The following SLC16A7 variants were observed in gnomAD, a reference collection of about 807,000 sequenced individuals.
SLC16A7 encodes monocarboxylate transporter 2.
In SLC16A7, 33 loss-of-function variants were observed where a neutral mutation model predicts 34.9. The observed-to-expected ratio is 0.94, with a 90% CI of 0.72 to 1.26. SLC16A7 has a LOEUF of 1.26. SLC16A7 is among the 50% of genes most tolerant of loss of function. The pLI is 0.00. For missense variants in SLC16A7, 573 were observed against 578.1 expected (o/e 0.99, Z 0.09); for synonymous variants, 201 against 206.6 (o/e 0.97, Z 0.23).
chr12:59,768,211 C>A, intron 3 of SLC16A7: 1 of 455,586 alleles, frequency 2.2e-6, no homozygotes, highest in Middle Eastern at 3.3e-4. Context: ...TAGATAACAT[C>A]ACGATCATTC....
At chr12:59,646,255 G>T (rs1046618062) in intron 1 of SLC16A7, among the ~76,000 whole-genome samples, 1 of 152,148 alleles carries the variant, frequency 6.6e-6, no homozygotes. Context: ...AGGCCTAGGA[G>T]GGAAAAATCA....
At chr12:59,748,723 G>A (rs934367627) in intron 3 of SLC16A7, among the ~76,000 whole-genome samples, 11 of 152,168 alleles carry the variant, frequency 7.2e-5, no homozygotes, top group African/African-American at 2.7e-4. Flanking sequence ...CTGCCAACAG[G>A]TGTGAAAACC....
At chr12:59,712,178 AGTT>A (rs1874298284) in intron 3 of SLC16A7, among the ~76,000 whole-genome samples, 2 of 152,056 alleles carry the variant, frequency 1.3e-5, no homozygotes, top group Non-Finnish European at 2.9e-5. Context: ...GATTCACTGC[AGTT>A]GTTGCTGCTG....
At chr12:59,692,800 T>C (rs1334623064) in intron 2 of SLC16A7, among the ~76,000 whole-genome samples, 1 of 152,010 alleles carries the variant, frequency 6.6e-6, no homozygotes, top group Non-Finnish European at 1.5e-5. Context: ...CTCTCTTGTC[T>C]AGATGTCAAA....
rs148116988 is a variant in SLC16A7, at chr12:59,761,223, A to G, written c.218-9996A>G. 5,015 of 1,003,726 alleles carry G rather than the reference A, an allele frequency of 5.0e-3. 29 individuals carry two copies. The highest frequency in any genetic ancestry group is 5.7e-3 in the Non-Finnish European group (4,167 of 734,164). The allele number at this position is 1,003,726 out of a possible 1,614,324, so 62.2% of individuals were successfully genotyped here. ...CCTAGGTACATGAAACTGTATTGTT[A>G]AATACTTGGTTGATAAGATTTAGAT... On this transcript the variant is annotated intron_variant, in intron 3 of 5. Transcript: ENST00000547379.
At chr12:59,628,753 A>G (rs1269620195) in intron 1 of SLC16A7, among the ~76,000 whole-genome samples, 1 of 150,540 alleles carries the variant, frequency 6.6e-6, no homozygotes, top group East Asian at 1.9e-4. Flanking sequence ...CTGACTAAAT[A>G]AGTGAATCAA....
rs930129677 is a variant in SLC16A7 at position 59,735,915 on chromosome 12, C to T, written c.217+30897C>T. On this transcript the variant is annotated intron_variant, in intron 3 of 5. Transcript: ENST00000547379. ...ATGGCCCCTAACAGATATAAATTCT[C>T]TATGACTTTGATAGGAAAAAAGGAG... 4 of 1,241,278 alleles carry T rather than the reference C, an allele frequency of 3.2e-6. No homozygotes were observed. The East Asian group carries it at 1.8e-4, about 55-fold the overall frequency. The allele number at this position is 1,241,278 out of a possible 1,614,324, so 76.9% of individuals were successfully genotyped here. A position where few individuals can be genotyped will look rare whatever the true frequency, so the allele number is the denominator to read the frequency against.
intron 2 of SLC16A7, among the ~76,000 whole-genome samples, chr12:59,666,801 C>A (rs779096805): frequency 6.6e-6 from 1 of 152,094 alleles, no homozygotes; most frequent in African/African-American, 2.4e-5. Flanking sequence ...TAAGAACAGA[C>A]TAATATAGCA....
intron 3 of SLC16A7, among the ~76,000 whole-genome samples, chr12:59,712,109 G>A (rs1364047523): frequency 2.6e-5 from 4 of 152,124 alleles, no homozygotes; most frequent in East Asian, 3.9e-4. Context: ...ACACTCTCCT[G>A]CTCAGAGTCA....
intron 3 of SLC16A7, among the ~76,000 whole-genome samples, chr12:59,756,013 T>G (rs1346229119): frequency 6.6e-6 from 1 of 152,194 alleles, no homozygotes; most frequent in Non-Finnish European, 1.5e-5. Flanking sequence ...GGGAAAGGAT[T>G]CCCTATTTAA....
Position 59,612,068 on chromosome 12 carries a change from C to T in SLC16A7, c.-130+15832C>T, listed in dbSNP as rs564172917. ...GCCTTCTCCTCACAGTTCCACCAGG[C>T]GGTGCCCCGATGGAGACTCTGTGTG... On this transcript the variant is annotated intron_variant, in intron 1 of 5. Coordinates refer to ENST00000547379, the MANE Select transcript of SLC16A7 (RefSeq NM_001270623.2). Among the ~76,000 whole-genome samples, 76 of 152,320 alleles carry T rather than the reference C, an allele frequency of 5.0e-4. No homozygotes were observed. The South Asian group carries it at 0.012, about 24-fold the overall frequency.
intron 3 of SLC16A7, among the ~76,000 whole-genome samples, chr12:59,737,507 A>G (rs929553864): frequency 3.3e-5 from 5 of 152,192 alleles, no homozygotes; most frequent in African/African-American, 1.2e-4. Context: ...ATGTCCTCTT[A>G]GGCATTTGAT....
intron 3 of SLC16A7, among the ~76,000 whole-genome samples, chr12:59,708,673 C>G (rs548120149): frequency 2.0e-5 from 3 of 152,038 alleles, no homozygotes; most frequent in Non-Finnish European, 4.4e-5. Flanking sequence ...CTATTAATCA[C>G]TACTGTGGGG....
At chr12:59,676,704 C>CA (rs1219932388) in intron 2 of SLC16A7, among the ~76,000 whole-genome samples, 2 of 151,640 alleles carry the variant, frequency 1.3e-5, no homozygotes, top group Non-Finnish European at 2.9e-5. Context: ...AAACAAAATG[C>CA]AAAAAATGGA....
At chr12:59,654,908 G>A (rs1868459403) in intron 1 of SLC16A7, among the ~76,000 whole-genome samples, 1 of 151,832 alleles carries the variant, frequency 6.6e-6, no homozygotes. Context: ...AGGCAGGCAG[G>A]TGCCATAATT....
chr12:59,705,428 A>G (rs1873451697), intron 3 of SLC16A7, among the ~76,000 whole-genome samples: 1 of 152,180 alleles, frequency 6.6e-6, no homozygotes, highest in African/African-American at 2.4e-5. Context: ...ATAAGCCCAG[A>G]AAGTACATCA....
chr12:59,732,851 T>G (rs930882888), intron 3 of SLC16A7, among the ~76,000 whole-genome samples: 1 of 152,112 alleles, frequency 6.6e-6, no homozygotes, highest in African/African-American at 2.4e-5. Context: ...AAAGAGAAGG[T>G]GTTATATGAA....
chr12:59,689,026 G>GT (rs1373981741), intron 2 of SLC16A7, among the ~76,000 whole-genome samples: 2 of 151,684 alleles, frequency 1.3e-5, no homozygotes, highest in Non-Finnish European at 2.9e-5. Context: ...CTATGTTTAT[G>GT]TTTTTTTGAC....
At chr12:59,648,068 CA>C (rs1018381389) in intron 1 of SLC16A7, among the ~76,000 whole-genome samples, 1 of 151,948 alleles carries the variant, frequency 6.6e-6, no homozygotes, top group African/African-American at 2.4e-5. Flanking sequence ...ACAACAAGAA[CA>C]ACAACAATAA....
Sources: gnomAD v4.1 joint callset for allele counts (sites outside exome capture counted in the v4.1 genomes callset) on GRCh38, gnomAD v4.1.1 for gene constraint, MANE v1.5 for transcripts, NCBI Gene and HGNC (gene_info 2026-07-23, HGNC 2026-07-21) for gene names.